The following TTC12 variants were observed in gnomAD, a reference collection of about 807,000 sequenced individuals.
The protein encoded by TTC12 is tetratricopeptide repeat domain 12.
A neutral mutation model predicts 90.1 loss-of-function variants in TTC12; 70 were observed. That is an observed-to-expected ratio of 0.78 (90% CI 0.64 to 0.95). The LOEUF (loss-of-function observed/expected upper bound fraction) is 0.95. Among genes scored for constraint, TTC12 ranks in the 40% least tolerant of loss-of-function variants. The pLI, the probability that TTC12 is intolerant of heterozygous loss-of-function variation, is 0.00. For missense variants in TTC12, 819 were observed against 846.1 expected (o/e 0.97, Z 0.40); for synonymous variants, 296 against 311.5 (o/e 0.95, Z 0.53).
chr11:113,351,943 C>A, intron 15 of TTC12, 127 bp from the exon 16 acceptor site: 1 of 1,100,256 alleles, frequency 9.1e-7, no homozygotes, highest in Non-Finnish European at 1.3e-6. Flanking sequence ...CCCAGGGATG[C>A]CCCTGTGTGA....
At chr11:113,340,885 T>C (rs1311213160) in intron 11 of TTC12, 152 bp downstream of exon 11, 1 of 644,940 alleles carries the variant, frequency 1.6e-6, no homozygotes, top group Admixed American at 2.5e-5. Flanking sequence ...GCAAAGCTAC[T>C]CCACGAACAT....
intron 8 of TTC12, among the ~76,000 whole-genome samples, chr11:113,337,045 T>G (rs1218686386): frequency 6.6e-6 from 1 of 152,242 alleles, no homozygotes; most frequent in Non-Finnish European, 1.5e-5. Flanking sequence ...GTACATTTTT[T>G]AAAAGTTTGT....
intron 10 of TTC12, 26 bp downstream of exon 10, chr11:113,339,500 A>T: frequency 6.4e-7 from 1 of 1,574,354 alleles, no homozygotes; most frequent in Non-Finnish European, 8.7e-7. Flanking sequence ...GTGTGATCTC[A>T]TGAGTGCTGT....
intron 13 of TTC12, 36 bp from the exon 14 acceptor site, chr11:113,350,037 G>A (rs782712682): frequency 8.4e-5 from 129 of 1,537,342 alleles, no homozygotes; most frequent in Non-Finnish European, 1.1e-4. Flanking sequence ...TTAGTTGGAG[G>A]ACAGCTACCT....
At position 113,362,449 on chromosome 11, in the gene TTC12, G is replaced by A; in HGVS notation, c.1663G>A (p.Val555Ile). The change falls in exon 19 of 22, where the codon GTT (valine) becomes ATT (isoleucine). Residue 555 changes from valine (V) to isoleucine (I), a missense_variant. Physicochemically the swap from Val to Ile is conservative, Grantham distance 29 (BLOSUM62 3). Coordinates refer to ENST00000529221, the MANE Select transcript of TTC12 (RefSeq NM_017868.4). Reference sequence around the variant, plus strand: ...GACCCTTTCTTCCTCTCTGAAAATTGTTGAGGAGGCCTTGCGAGCAGGAGT... The same window carrying A: ...GACCCTTTCTTCCTCTCTGAAAATTATTGAGGAGGCCTTGCGAGCAGGAGT... ...SRTLSSSLKI[V>I]EEALRAGVVK... The A allele has an allele frequency of 6.2e-7, 1 of 1,614,106 alleles. No homozygotes were observed. The highest frequency in any genetic ancestry group is 1.3e-5 in the African/African-American group (1 of 75,052).
intron 16 of TTC12, among the ~76,000 whole-genome samples, chr11:113,356,372 G>C (rs1206224571): frequency 3.9e-5 from 6 of 152,158 alleles, no homozygotes; most frequent in Admixed American, 2.0e-4. Context: ...GCATACCAGT[G>C]GATCGTGGTT....
chr11:113,325,878 C>A (rs1405674829), intron 6 of TTC12, among the ~76,000 whole-genome samples: 1 of 152,168 alleles, frequency 6.6e-6, no homozygotes, highest in Non-Finnish European at 1.5e-5. Flanking sequence ...GAAGAGCTGT[C>A]CATTATCAGC....
Position 113,359,459 on chromosome 11 carries a change from G to A in TTC12, c.1543G>A (p.Glu515Lys), listed in dbSNP as rs573594532. 6 of 1,609,026 alleles carry A rather than the reference G, an allele frequency of 3.7e-6. No individual in the cohort carries two copies. Among genetic ancestry groups the A allele is most frequent in the African/African-American group, 2.7e-5 (2 of 74,918 alleles). Reference sequence around the variant, plus strand: ...GTGTCTTCAGGCTCCCTTTGTCTCTGAGGTATGGCATTCTTGTCTCCCTGC... The same window carrying A: ...GTGTCTTCAGGCTCCCTTTGTCTCTAAGGTATGGCATTCTTGTCTCCCTGC... ...NLCLQAPFVS[E>K]VWAVEVSRRC... The change falls in exon 17 of 22, where the codon GAG becomes AAG. Residue 515 changes from glutamate to lysine, a missense_variant and splice_region_variant. Glu to Lys is a moderately conservative substitution (Grantham distance 56). Transcript: ENST00000529221.
intron 11 of TTC12, among the ~76,000 whole-genome samples, chr11:113,341,023 A>G (rs1176250244): frequency 3.3e-5 from 5 of 152,140 alleles, no homozygotes; most frequent in Admixed American, 6.5e-5. Flanking sequence ...TGAGGTCAGG[A>G]GTTTGAGACC....
At chr11:113,351,934 C>T (rs1441030388) in intron 15 of TTC12, 136 bp from the exon 16 acceptor site, 1 of 1,031,550 alleles carries the variant, frequency 9.7e-7, no homozygotes, top group Non-Finnish European at 1.4e-6. Flanking sequence ...CAGTGAGACC[C>T]CAGGGATGCC....
intron 7 of TTC12, among the ~76,000 whole-genome samples, chr11:113,331,645 A>G (rs1433787266): frequency 6.6e-6 from 1 of 152,252 alleles, no homozygotes; most frequent in Non-Finnish European, 1.5e-5. Flanking sequence ...CACCAAGAGT[A>G]TCTTTTCTGA....
chr11:113,325,467 C>A, intron 5 of TTC12, 57 bp from the exon 6 acceptor site: 1 of 1,596,712 alleles, frequency 6.3e-7, no homozygotes, highest in South Asian at 1.1e-5. Flanking sequence ...GGAATAAAGT[C>A]TGAGAGATTT....
intron 13 of TTC12, among the ~76,000 whole-genome samples, chr11:113,345,572 C>T (rs139832626): frequency 8.5e-4 from 130 of 152,310 alleles, no homozygotes; most frequent in African/African-American, 2.9e-3. Flanking sequence ...TGTGCCGTGA[C>T]AGGATGGTTA....
intron 6 of TTC12, among the ~76,000 whole-genome samples, chr11:113,327,922 G>A (rs1336318674): frequency 6.6e-6 from 1 of 152,228 alleles, no homozygotes; most frequent in Non-Finnish European, 1.5e-5. Context: ...TGCTATGGGA[G>A]CCAAGAGCGG....
At chr11:113,360,546 G>T (rs991443623) in intron 18 of TTC12, among the ~76,000 whole-genome samples, 2 of 152,184 alleles carry the variant, frequency 1.3e-5, no homozygotes, top group African/African-American at 4.8e-5. Flanking sequence ...TAAGAAAACT[G>T]AGAAAGGCCT....
intron 7 of TTC12, among the ~76,000 whole-genome samples, chr11:113,334,609 A>G (rs1301491970): frequency 6.6e-6 from 1 of 151,666 alleles, no homozygotes; most frequent in Non-Finnish European, 1.5e-5. Context: ...GTATAATGTA[A>G]TTGACATGGG....
At chr11:113,362,842 A>G (rs77862670) in intron 19 of TTC12, among the ~76,000 whole-genome samples, 2,764 of 152,330 alleles carry the variant, frequency 0.018, 23 homozygotes, top group Middle Eastern at 0.065. Context: ...TGTTCTGCTC[A>G]GGTTTTGCTA....
chr11:113,323,165 G>T (rs1393173224), intron 2 of TTC12, 123 bp from the exon 3 acceptor site: 21 of 451,232 alleles, frequency 4.7e-5, no homozygotes, highest in South Asian at 2.9e-4. Flanking sequence ...GCTCTATTTT[G>T]CTTTCTATTG....
intron 15 of TTC12, 143 bp from the exon 16 acceptor site, chr11:113,351,927 T>G (rs1591601362): frequency 1.0e-6 from 1 of 958,258 alleles, no homozygotes; most frequent in Non-Finnish European, 1.5e-6. Context: ...CCGTTGCCAG[T>G]GAGACCCCAG....
Sources: allele counts gnomAD v4.1 joint callset (sites outside exome capture counted in the v4.1 genomes callset), GRCh38; gene constraint gnomAD v4.1.1; transcripts MANE v1.5; gene names NCBI Gene and HGNC (gene_info 2026-07-23, HGNC 2026-07-21).